The following ATP8A2 variants were observed in gnomAD, a reference collection of about 807,000 sequenced individuals.
ATP8A2 encodes phospholipid-transporting ATPase IB.
Under a neutral mutation model 165.6 loss-of-function variants are expected in ATP8A2, and 100 were observed. The observed-to-expected ratio is 0.60, with a 90% CI of 0.51 to 0.71. The LOEUF (loss-of-function observed/expected upper bound fraction) is 0.71, where lower values mean the gene tolerates loss of function less well. ATP8A2 is among the 30% of genes least tolerant of loss of function. The pLI is 0.00. For missense variants in ATP8A2, 1,227 were observed against 1,479.5 expected, an observed-to-expected ratio of 0.83 and a Z score of 2.80; for synonymous variants, 543 against 548.8, an observed-to-expected ratio of 0.99 and a Z score of 0.15.
chr13:25,979,004 C>T (rs891756958), intron 35 of ATP8A2, among the ~76,000 whole-genome samples: 1 of 151,342 alleles, frequency 6.6e-6, no homozygotes, highest in Non-Finnish European at 1.5e-5. Flanking sequence ...TGCTTTTGCA[C>T]ACTACAGCAC....
At chr13:25,605,503 A>C (rs1026457247) in intron 24 of ATP8A2, among the ~76,000 whole-genome samples, 3 of 152,164 alleles carry the variant, frequency 2.0e-5, no homozygotes, top group African/African-American at 7.2e-5. Flanking sequence ...GAACTGGAAT[A>C]AGTAGAAGTA....
At chr13:25,936,060 G>A (rs556364808) in intron 33 of ATP8A2, among the ~76,000 whole-genome samples, 131 of 152,250 alleles carry the variant, frequency 8.6e-4, no homozygotes, top group African/African-American at 3.0e-3. Flanking sequence ...CTTAGAAATG[G>A]GGTATGTCAT....
chr13:25,460,646 TG>T (rs1184909004), intron 1 of ATP8A2, among the ~76,000 whole-genome samples: 2 of 152,232 alleles, frequency 1.3e-5, no homozygotes, highest in Admixed American at 1.3e-4. Context: ...AGAAGCCCAG[TG>T]TATATTGCTG....
chr13:25,706,276 C>T (rs1231151556), intron 25 of ATP8A2, among the ~76,000 whole-genome samples: 1 of 152,158 alleles, frequency 6.6e-6, no homozygotes, highest in Non-Finnish European at 1.5e-5. Context: ...TATATATATA[C>T]TGTCCAACAT....
intron 33 of ATP8A2, among the ~76,000 whole-genome samples, chr13:25,881,955 C>A (rs1258249432): frequency 6.6e-6 from 1 of 152,010 alleles, no homozygotes; most frequent in African/African-American, 2.4e-5. Flanking sequence ...TCAGTAAGGA[C>A]GCCATGGGAG....
chr13:25,512,429 G>A (rs907736622), intron 2 of ATP8A2, among the ~76,000 whole-genome samples: 6 of 152,120 alleles, frequency 3.9e-5, no homozygotes, highest in African/African-American at 1.4e-4. Flanking sequence ...GCCGGGCAGA[G>A]GGGCTCCTCA....
intron 20 of ATP8A2, 149 bp from the exon 21 acceptor site, chr13:25,578,666 T>TGC (rs2039686691): frequency 1.5e-6 from 1 of 672,796 alleles, no homozygotes; most frequent in Non-Finnish European, 2.7e-6. Context: ...CCAAAGCTCA[T>TGC]GCCTGAGCCC....
At chr13:25,754,267 A>AG (rs1406462723) in intron 25 of ATP8A2, among the ~76,000 whole-genome samples, 1 of 3,472 alleles carries the variant, frequency 2.9e-4, no homozygotes, top group African/African-American at 3.2e-4. Context: ...ACTGACGAAG[A>AG]AGAACTGGCC....
intron 30 of ATP8A2, among the ~76,000 whole-genome samples, chr13:25,843,778 A>G (rs990194115): frequency 6.6e-6 from 1 of 152,128 alleles, no homozygotes; most frequent in African/African-American, 2.4e-5. Flanking sequence ...ACACATCTCT[A>G]CATATTTCTA....
chr13:25,404,196 G>T (rs1408702196), intron 1 of ATP8A2, among the ~76,000 whole-genome samples: 6 of 152,132 alleles, frequency 3.9e-5, no homozygotes, highest in Non-Finnish European at 7.4e-5. Context: ...GAGGGGAGTG[G>T]TCTTAAGACT....
At chr13:26,019,797 C>A in intron 36 of ATP8A2, 91 bp from the exon 37 acceptor site, 1 of 848,108 alleles carries the variant, frequency 1.2e-6, no homozygotes. Flanking sequence ...CACTCACCCG[C>A]ACGCTGCCAA....
chr13:25,589,552 G>A (rs945526167), intron 23 of ATP8A2, 83 bp from the exon 24 acceptor site: 8 of 985,526 alleles, frequency 8.1e-6, no homozygotes, highest in Admixed American at 5.4e-5. Flanking sequence ...GGCTTAAAGT[G>A]GCAGATATAA....
rs74042206 is a variant in ATP8A2, at chr13:25,927,281, T to A, written c.3184-34294T>A. On this transcript the variant is annotated intron_variant, in intron 33 of 36. Transcript: ENST00000381655. ...AAACGTCTGCATTTTATCACCTTTG[T>A]TGAACAAAAGTCCATGGCTTCTTCA... 1,420 of 454,116 alleles carry A rather than the reference T, an allele frequency of 3.1e-3. 15 individuals carry two copies. The highest frequency in any genetic ancestry group is 0.023 in the African/African-American group (1,131 of 50,120). The allele number at this position is 454,116 out of a possible 1,614,324, so 28.1% of individuals were successfully genotyped here. A position where few individuals can be genotyped will look rare whatever the true frequency, so the allele number is the denominator to read the frequency against.
intron 20 of ATP8A2, 150 bp from the exon 21 acceptor site, chr13:25,578,665 A>C (rs2039686615): frequency 3.0e-6 from 2 of 663,020 alleles, no homozygotes; most frequent in Non-Finnish European, 2.7e-6. Context: ...TCCAAAGCTC[A>C]TGCCTGAGCC....
chr13:25,380,156 C>T (rs770809158), intron 1 of ATP8A2, among the ~76,000 whole-genome samples: 4 of 152,076 alleles, frequency 2.6e-5, no homozygotes, highest in Non-Finnish European at 5.9e-5. Flanking sequence ...ACGTGCAAGT[C>T]ATGATGGAAA....
chr13:25,581,072 A>T (rs2039762656), intron 22 of ATP8A2, among the ~76,000 whole-genome samples: 1 of 152,212 alleles, frequency 6.6e-6, no homozygotes, highest in Non-Finnish European at 1.5e-5. Flanking sequence ...TTAGAATTAG[A>T]AAAAGGTGAT....
At chr13:25,682,196 G>A (rs75393315) in intron 24 of ATP8A2, among the ~76,000 whole-genome samples, 2,308 of 152,194 alleles carry the variant, frequency 0.015, 58 homozygotes, top group African/African-American at 0.052. Flanking sequence ...TGAAGTTGCT[G>A]GTATCTGTTA....
chr13:25,846,476 G>C (rs1163230875), intron 30 of ATP8A2, among the ~76,000 whole-genome samples: 1 of 152,188 alleles, frequency 6.6e-6, no homozygotes, highest in East Asian at 1.9e-4. Context: ...AAGAGTTTCA[G>C]GTTGCAGGAA....
At chr13:25,760,563 G>A (rs1040409184) in intron 25 of ATP8A2, among the ~76,000 whole-genome samples, 1 of 152,018 alleles carries the variant, frequency 6.6e-6, no homozygotes, top group African/African-American at 2.4e-5. Flanking sequence ...TCTTTTAAAA[G>A]GACTTGTAGA....
Sources: gnomAD v4.1 joint callset for allele counts (sites outside exome capture counted in the v4.1 genomes callset) on GRCh38, gnomAD v4.1.1 for gene constraint, MANE v1.5 for transcripts, NCBI Gene and HGNC (gene_info 2026-07-23, HGNC 2026-07-21) for gene names.